Variants in FBLN2 observed in about 807,000 individuals in gnomAD.
The protein encoded by FBLN2 is fibulin 2.
FBLN2 carries 81 observed loss-of-function variants against 123.7 expected under a neutral mutation model. The ratio of observed to expected loss-of-function variants is 0.65; its 90% CI spans 0.55 to 0.79. FBLN2 has a LOEUF of 0.79. Among genes scored for constraint, FBLN2 ranks in the 30% least tolerant of loss-of-function variants. The pLI is 0.00. For synonymous variants in FBLN2, 699 were observed against 701.4 expected (o/e 1.00, Z 0.05); for missense variants, 1,603 against 1,681.3 (o/e 0.95, Z 0.81).
intron 16 of FBLN2, among the ~76,000 whole-genome samples, chr3:13,635,415 C>T (rs914612480): frequency 1.3e-5 from 2 of 152,118 alleles, no homozygotes; most frequent in African/African-American, 4.8e-5. Context: ...CACACCCCTA[C>T]CCCACCCCTG....
intron 5 of FBLN2, among the ~76,000 whole-genome samples, chr3:13,617,657 ACCC>A: frequency 9.8e-6 from 1 of 102,050 alleles, no homozygotes; most frequent in East Asian, 3.0e-4. Flanking sequence ...CCACCCATCT[ACCC>A]ACCCATCCAC....
At position 13,614,098 on chromosome 3, in the gene FBLN2, G is replaced by A; in HGVS notation, c.1663G>A (p.Gly555Ser). The change falls in exon 5 of 18, where the codon GGT becomes AGT. Residue 555 changes from glycine (G) to serine (S), a missense_variant. By Grantham distance (56) the Gly-to-Ser change is moderately conservative (BLOSUM62 0). Coordinates refer to ENST00000404922, the MANE Select transcript of FBLN2 (RefSeq NM_001004019.2). ...TCATGTCATGCTCTCCTGCTGTGAG[G>A]GTGAAGAGCCTCTCATAGTACCTGA... is the stretch of plus-strand genomic sequence containing the variant. ...CNHVMLSCCEGEEPLIVPEVR... is the reference protein window; with the variant it reads ...CNHVMLSCCESEEPLIVPEVR... 1 of 1,613,692 alleles carries A rather than the reference G, an allele frequency of 6.2e-7. No individual in the cohort carries two copies. The highest frequency in any genetic ancestry group is 1.7e-5 in the Admixed American group (1 of 60,022).
chr3:13,587,159 A>T (rs1260763062), intron 2 of FBLN2, among the ~76,000 whole-genome samples: 3 of 139,986 alleles, frequency 2.1e-5, no homozygotes, highest in East Asian at 4.5e-4. Flanking sequence ...AAAAAAAAAA[A>T]AATAAATAAA....
chr3:13,614,939 T>C (rs79280081), intron 5 of FBLN2, among the ~76,000 whole-genome samples: 14,774 of 146,374 alleles, frequency 0.1, 1,616 homozygotes, highest in African/African-American at 0.28. Context: ...CATCCATCCA[T>C]CCACCCACCC....
rs756924400 is a variant in FBLN2 at position 13,628,996 on chromosome 3, G to A, written c.2661G>A (p.Pro887=). The change falls in exon 12 of 18, where the codon CCG becomes CCA. Residue 887 remains proline, a synonymous_variant. Coordinates refer to ENST00000404922, the MANE Select transcript of FBLN2 (RefSeq NM_001004019.2). ...GCTCCTACACATGCCAGAGGAACCC[G>A]CTGATCTGCGCGCGCGGCTACCACG... ...TVGSYTCQRN[P]LICARGYHAS... The A allele has an allele frequency of 3.6e-5, 58 of 1,613,378 alleles. No homozygotes were observed. The highest frequency in any genetic ancestry group is 1.5e-4 in the Admixed American group (9 of 59,956).
chr3:13,564,598 C>G (rs1252597667), intron 1 of FBLN2, among the ~76,000 whole-genome samples: 1 of 152,200 alleles, frequency 6.6e-6, no homozygotes, highest in Non-Finnish European at 1.5e-5. Context: ...CATCCCAGAT[C>G]TGTATTTGCT....
chr3:13,608,190 G>C lies in FBLN2; in HGVS notation c.1418+17G>C. The C allele has an allele frequency of 6.5e-7, 1 of 1,536,652 alleles. No individual in the cohort carries two copies. The highest frequency in any genetic ancestry group is 8.8e-7 in the Non-Finnish European group (1 of 1,131,076). On this transcript the variant is annotated intron_variant, in intron 3 of 17. Transcript: ENST00000404922. ...CGTCTGCAGGTAGGGTGGGCTCCCT[G>C]GAGCAGGCGGAGCTGCCCATTTGCC... is the stretch of plus-strand genomic sequence containing the variant.
At chr3:13,595,124 G>A (rs1245991947) in intron 2 of FBLN2, among the ~76,000 whole-genome samples, 4 of 152,168 alleles carry the variant, frequency 2.6e-5, no homozygotes, top group Non-Finnish European at 2.9e-5. Flanking sequence ...GGAAGATACC[G>A]TGGGTGCAGG....
intron 2 of FBLN2, among the ~76,000 whole-genome samples, chr3:13,580,765 A>C (rs1007974352): frequency 6.6e-6 from 1 of 152,240 alleles, no homozygotes; most frequent in Non-Finnish European, 1.5e-5. Context: ...TCGGCCATGT[A>C]TAAATTACCC....
intron 2 of FBLN2, among the ~76,000 whole-genome samples, chr3:13,594,450 CT>C (rs1704779069): frequency 1.3e-5 from 2 of 152,188 alleles, no homozygotes; most frequent in Non-Finnish European, 2.9e-5. Flanking sequence ...CTCACCATTC[CT>C]GGGCTCAGGG....
intron 1 of FBLN2, chr3:13,568,773 G>T: frequency 1.0e-6 from 1 of 985,704 alleles, no homozygotes; most frequent in Non-Finnish European, 1.2e-6. Flanking sequence ...TGGGGCTCAT[G>T]CCTGCCTGGC....
chr3:13,621,326 G>A (rs1705843083), intron 8 of FBLN2, among the ~76,000 whole-genome samples: 1 of 152,218 alleles, frequency 6.6e-6, no homozygotes, highest in African/African-American at 2.4e-5. Context: ...CTGCATACAA[G>A]GGGCCCACAC....
intron 14 of FBLN2, 143 bp downstream of exon 14, chr3:13,630,088 CCT>C: frequency 8.0e-7 from 1 of 1,256,734 alleles, no homozygotes; most frequent in South Asian, 1.3e-5. Context: ...CTTCCTTCCT[CCT>C]CTGTCTGGCC....
intron 1 of FBLN2, among the ~76,000 whole-genome samples, chr3:13,551,233 G>A (rs1370642053): frequency 6.6e-6 from 1 of 152,206 alleles, no homozygotes; most frequent in Non-Finnish European, 1.5e-5. Context: ...CCCTGGGCGG[G>A]CCTCCTACCC....
chr3:13,605,367 T>C (rs1705167192), intron 2 of FBLN2, among the ~76,000 whole-genome samples: 1 of 152,196 alleles, frequency 6.6e-6, no homozygotes, highest in African/African-American at 2.4e-5. Flanking sequence ...ATCTCATCAG[T>C]GTGTTTTTTG....
Position 13,628,181 on chromosome 3 carries a change from C to G in FBLN2, c.2569+212C>G, listed in dbSNP as rs978511855. 2.0e-5 allele frequency among the ~76,000 whole-genome samples: 3 copies of G among 152,240 alleles called. 1 individual carries two copies. The highest frequency in any genetic ancestry group is 4.1e-4 in the South Asian group (2 of 4,834). ...GTGTAGCTGCTCCTATTACCTTGAG[C>G]TGTGAAACCTTGGCTGAGTTATTAT... is the stretch of plus-strand genomic sequence containing the variant. On this transcript the variant is annotated intron_variant, in intron 11 of 17. Coordinates refer to ENST00000404922, the MANE Select transcript of FBLN2 (RefSeq NM_001004019.2).
At chr3:13,597,442 T>C (rs1704882474) in intron 2 of FBLN2, among the ~76,000 whole-genome samples, 1 of 152,198 alleles carries the variant, frequency 6.6e-6, no homozygotes, top group African/African-American at 2.4e-5. Context: ...CTTTTCCTTA[T>C]AATTTTACCC....
chr3:13,603,348 A>G (rs1012329378), intron 2 of FBLN2, among the ~76,000 whole-genome samples: 3 of 149,508 alleles, frequency 2.0e-5, no homozygotes, highest in Non-Finnish European at 4.4e-5. Flanking sequence ...TTAACTTGTC[A>G]TTTACATTAG....
At position 13,570,456 on chromosome 3, in the gene FBLN2, C is replaced by T. The variant is rs777965029; in HGVS notation, c.101C>T (p.Thr34Met). 25 of 1,571,758 alleles carry T rather than the reference C, an allele frequency of 1.6e-5. No homozygotes were observed. Among genetic ancestry groups the T allele is most frequent in the East Asian group, 9.4e-5 (4 of 42,720 alleles). The change falls in exon 2 of 18, where the codon ACG (threonine) becomes ATG (methionine). Residue 34 changes from threonine (T) to methionine (M), a missense_variant. Physicochemically the swap from Thr to Met is moderately conservative, Grantham distance 81. Transcript: ENST00000404922. ...GCAGCTGCCCCTCGGCAGGACTGCA[C>T]GGGCGTGGAGTGCCCGCCGCTGGAG... is the stretch of plus-strand genomic sequence containing the variant. The part of the protein sequence containing the change: ...VAAAAPRQDC[T>M]GVECPPLENC...
Sources: allele counts gnomAD v4.1 joint callset (sites outside exome capture counted in the v4.1 genomes callset), GRCh38; gene constraint gnomAD v4.1.1; transcripts MANE v1.5; gene names NCBI Gene and HGNC (gene_info 2026-07-23, HGNC 2026-07-21).